Variants in PHYH observed in about 807,000 individuals in gnomAD.
PHYH encodes phytanoyl-CoA 2-hydroxylase.
PHYH carries 32 observed loss-of-function variants against 38.5 expected under a neutral mutation model. The ratio of observed to expected loss-of-function variants is 0.83; its 90% CI spans 0.63 to 1.12. PHYH has a LOEUF of 1.12. Among genes scored for constraint, PHYH ranks in the 50% most tolerant of loss-of-function variants. The pLI, the probability that PHYH is intolerant of heterozygous loss-of-function variation, is 0.00. For missense variants in PHYH, 426 were observed against 434.8 expected, an observed-to-expected ratio of 0.98 and a Z score of 0.18; for synonymous variants, 166 against 157.9, an observed-to-expected ratio of 1.05 and a Z score of -0.38.
intron 6 of PHYH, 103 bp downstream of exon 6, chr10:13,288,257 G>C: frequency 9.6e-7 from 1 of 1,040,390 alleles, no homozygotes; most frequent in Non-Finnish European, 1.5e-6. Flanking sequence ...GTTTTGCTCA[G>C]AAAGGAAATG....
intron 7 of PHYH, among the ~76,000 whole-genome samples, chr10:13,282,663 G>A (rs953539072): frequency 3.3e-5 from 5 of 151,208 alleles, no homozygotes; most frequent in African/African-American, 4.9e-5. Flanking sequence ...GATTTGTGTC[G>A]TTGTGCCTGC....
rs1835610820 is a variant in PHYH at position 13,288,423 on chromosome 10, A to G, written c.615T>C (p.Cys205=). ...AMEHISRNNG[C]LVVLPGTHKG... ...TGTGTGTGCCTGGGAGCACAACCAG[A>G]CAGCCGTTGTTCCGGCTGATGTGCT... The change falls in exon 6 of 9, where the codon TGT becomes TGC. Residue 205 remains cysteine, a synonymous_variant. Coordinates refer to ENST00000263038, the MANE Select transcript of PHYH (RefSeq NM_006214.4). The G allele has an allele frequency of 1.9e-6, 3 of 1,614,158 alleles. No individual in the cohort carries two copies. The highest frequency in any genetic ancestry group is 2.5e-6 in the Non-Finnish European group (3 of 1,180,014).
chr10:13,292,927 C>A, intron 4 of PHYH, among the ~76,000 whole-genome samples: 1 of 53,302 alleles, frequency 1.9e-5, no homozygotes, highest in African/African-American at 6.1e-5. Context: ...GAGTGAGACT[C>A]TGTCTCAAAA....
At chr10:13,296,870 C>T (rs1832568064) in intron 2 of PHYH, among the ~76,000 whole-genome samples, 1 of 150,918 alleles carries the variant, frequency 6.6e-6, no homozygotes, top group Non-Finnish European at 1.5e-5. Context: ...AGGAGAATGG[C>T]GTGAACCCGG....
chr10:13,290,173 TAA>T (rs1835672038), intron 5 of PHYH, among the ~76,000 whole-genome samples: 1 of 139,810 alleles, frequency 7.2e-6, no homozygotes, highest in African/African-American at 2.7e-5. Flanking sequence ...TGGGCACCTG[TAA>T]TCCCAGCTAT....
intron 6 of PHYH, among the ~76,000 whole-genome samples, chr10:13,285,831 T>C (rs631482): frequency 0.61 from 92,907 of 151,070 alleles, 29,566 homozygotes; most frequent in African/African-American, 0.8. Flanking sequence ...CTCGAACTCC[T>C]GACCTCAAGT....
intron 5 of PHYH, among the ~76,000 whole-genome samples, chr10:13,289,100 G>A (rs370508430): frequency 2.6e-5 from 4 of 152,024 alleles, no homozygotes; most frequent in East Asian, 3.9e-4. Context: ...TTCAAATCCC[G>A]CACTCCCTTC....
At chr10:13,292,923 G>C (rs1397164627) in intron 4 of PHYH, among the ~76,000 whole-genome samples, 1 of 90,096 alleles carries the variant, frequency 1.1e-5, no homozygotes, top group Non-Finnish European at 2.2e-5. Context: ...ACAAGAGTGA[G>C]ACTCTGTCTC....
At chr10:13,289,874 G>A (rs1306775779) in intron 5 of PHYH, among the ~76,000 whole-genome samples, 1 of 149,336 alleles carries the variant, frequency 6.7e-6, no homozygotes, top group Non-Finnish European at 1.5e-5. Flanking sequence ...GGAGGCAGCA[G>A]GTTGCAGTGA....
At chr10:13,286,244 C>A (rs1026468681) in intron 6 of PHYH, among the ~76,000 whole-genome samples, 8 of 152,222 alleles carry the variant, frequency 5.3e-5, no homozygotes, top group Admixed American at 4.6e-4. Flanking sequence ...GATGCCTATA[C>A]CTCTAACGCG....
intron 6 of PHYH, 32 bp downstream of exon 6, chr10:13,288,328 C>G (rs778097925): frequency 6.2e-7 from 1 of 1,602,104 alleles, no homozygotes; most frequent in Non-Finnish European, 8.5e-7. Context: ...GAAGGAGATT[C>G]GGATCAAGAC....
Position 13,300,047 on chromosome 10 carries a change from G to A in PHYH, c.-5C>T, listed in dbSNP as rs1393471772. The A allele has an allele frequency of 1.3e-6, 2 of 1,530,420 alleles. No individual in the cohort carries two copies. Among genetic ancestry groups the A allele is most frequent in the Non-Finnish European group, 1.7e-6 (2 of 1,143,910 alleles). The allele number at this position is 1,530,420 out of a possible 1,614,324, so 94.8% of individuals were successfully genotyped here. On this transcript the variant is annotated 5_prime_UTR_variant, in exon 1 of 9. Transcript: ENST00000263038. ...GGCGGCGCGAAGCTGCTCCATGGCT[G>A]CGGCGCGGGGAACCCCCACCCCTCC...
Position 13,298,922 on chromosome 10 carries a change from AAATAATAATAATAAT to A in PHYH, c.76-692_76-678del, listed in dbSNP as rs61660763. Among the ~76,000 whole-genome samples the A allele has an allele frequency of 7.2e-3, 417 of 58,066 alleles. 8 individuals are homozygous for A. The highest frequency in any genetic ancestry group is 0.05 in the Admixed American group (232 of 4,636). The allele number at this position is 58,066 out of a possible 152,430, so 38.1% of individuals were successfully genotyped here. On this transcript the variant is annotated intron_variant, in intron 1 of 8. Transcript: ENST00000263038. ...ACCACAGAGCAAGACTCCGTCTCAAAAATAATAATAATAATAATAATAATAATAATAATAATAATA... is the reference window on the plus strand; with the variant it reads ...ACCACAGAGCAAGACTCCGTCTCAAAAATAATAATAATAATAATAATAATA...
intron 4 of PHYH, among the ~76,000 whole-genome samples, chr10:13,293,541 C>T (rs983216961): frequency 2.6e-5 from 4 of 152,116 alleles, no homozygotes; most frequent in African/African-American, 9.7e-5. Flanking sequence ...ACCTCGTGAT[C>T]TGCCCACCTC....
intron 5 of PHYH, among the ~76,000 whole-genome samples, chr10:13,289,956 A>G (rs1835663545): frequency 7.0e-6 from 1 of 143,172 alleles, no homozygotes; most frequent in African/African-American, 2.6e-5. Context: ...AAAAAAAAAG[A>G]AAAGAAAAAG....
At chr10:13,299,676 C>G in intron 1 of PHYH, 1 of 1,231,608 alleles carries the variant, frequency 8.1e-7, no homozygotes, top group Non-Finnish European at 1.0e-6. Flanking sequence ...GCCGGTGAAA[C>G]GACGTCTCCA....
chr10:13,281,717 T>A (rs1829387045), intron 7 of PHYH, among the ~76,000 whole-genome samples: 1 of 152,210 alleles, frequency 6.6e-6, no homozygotes, highest in African/African-American at 2.4e-5. Flanking sequence ...TAAACAGATC[T>A]AAGCTGCAAG....
intron 5 of PHYH, among the ~76,000 whole-genome samples, chr10:13,290,917 C>T (rs982776449): frequency 2.0e-5 from 3 of 151,810 alleles, no homozygotes; most frequent in African/African-American, 7.3e-5. Flanking sequence ...ACCAACATGG[C>T]GAAACCCTGT....
chr10:13,297,811 A>T lies in PHYH; in HGVS notation c.134+376T>A, dbSNP rs182892974. On this transcript the variant is annotated intron_variant, in intron 2 of 8. Coordinates refer to ENST00000263038, the MANE Select transcript of PHYH (RefSeq NM_006214.4). ...TAACTGAATTTTTAAAAGTCAGATTATAAGGCTGGTGTGATGGCTCAGGCT... is the reference window on the plus strand; with the variant it reads ...TAACTGAATTTTTAAAAGTCAGATTTTAAGGCTGGTGTGATGGCTCAGGCT... Among the ~76,000 whole-genome samples, 26 of 86,232 alleles carry T rather than the reference A, an allele frequency of 3.0e-4. No homozygotes were observed. In the East Asian group the frequency reaches 7.4e-3, roughly 24 times the overall value. The allele number at this position is 86,232 out of a possible 152,430, so 56.6% of individuals were successfully genotyped here.
Sources: gnomAD v4.1 joint callset for allele counts (sites outside exome capture counted in the v4.1 genomes callset) on GRCh38, gnomAD v4.1.1 for gene constraint, MANE v1.5 for transcripts, NCBI Gene and HGNC (gene_info 2026-07-23, HGNC 2026-07-21) for gene names.